EPHA6: variants seen among roughly 807,000 people sequenced by gnomAD.
The protein encoded by EPHA6 is ephrin type-A receptor 6.
EPHA6 carries 50 observed loss-of-function variants against 112.0 expected under a neutral mutation model. That is an observed-to-expected ratio of 0.45 (90% CI 0.36 to 0.56). The LOEUF (loss-of-function observed/expected upper bound fraction) is 0.56. EPHA6 is among the 20% of genes least tolerant of loss of function. EPHA6 has a pLI of 0.00. For missense variants in EPHA6, 1,280 were observed against 1,417.4 expected, an observed-to-expected ratio of 0.90 and a Z score of 1.56; for synonymous variants, 529 against 490.7, an observed-to-expected ratio of 1.08 and a Z score of -1.03.
chr3:97,186,373 A>G (rs2077136557), intron 3 of EPHA6, among the ~76,000 whole-genome samples: 1 of 151,986 alleles, frequency 6.6e-6, no homozygotes, highest in Non-Finnish European at 1.5e-5. Context: ...ACTCTCAAAA[A>G]CATAGTAGTT....
At chr3:96,899,661 A>T (rs964595798) in intron 2 of EPHA6, among the ~76,000 whole-genome samples, 1 of 152,200 alleles carries the variant, frequency 6.6e-6, no homozygotes, top group Non-Finnish European at 1.5e-5. Context: ...TAGCACTAGT[A>T]AAAAATATGT....
chr3:97,183,133 A>T (rs887245588), intron 3 of EPHA6, among the ~76,000 whole-genome samples: 2 of 152,092 alleles, frequency 1.3e-5, no homozygotes, highest in African/African-American at 4.8e-5. Flanking sequence ...ATTGTAATTC[A>T]TAAGGGCTTT....
intron 11 of EPHA6, among the ~76,000 whole-genome samples, chr3:97,588,209 C>G (rs1466665428): frequency 6.7e-6 from 1 of 150,204 alleles, no homozygotes; most frequent in Admixed American, 6.6e-5. Flanking sequence ...GTTGGTATAC[C>G]CCCCTGCCCA....
At chr3:97,078,752 A>G (rs1443360993) in intron 3 of EPHA6, among the ~76,000 whole-genome samples, 1 of 152,146 alleles carries the variant, frequency 6.6e-6, no homozygotes, top group Non-Finnish European at 1.5e-5. Flanking sequence ...CCATTGGTCT[A>G]TATCTCAAAC....
chr3:97,648,298 A>G, intron 14 of EPHA6: 1 of 1,258,836 alleles, frequency 7.9e-7, no homozygotes, highest in Non-Finnish European at 1.2e-6. Flanking sequence ...CCTCTTCCAA[A>G]CTCTAACACT....
chr3:97,327,168 A>G (rs1450295231), intron 5 of EPHA6, among the ~76,000 whole-genome samples: 1 of 152,120 alleles, frequency 6.6e-6, no homozygotes, highest in Non-Finnish European at 1.5e-5. Context: ...GATAAACAGT[A>G]AATTACATTA....
At chr3:96,815,053 G>T in intron 1 of EPHA6, 45 bp downstream of exon 1, 1 of 1,460,672 alleles carries the variant, frequency 6.8e-7, no homozygotes, top group Non-Finnish European at 9.1e-7. Context: ...GAGGAGGAGG[G>T]TGCTTGGAGA....
intron 7 of EPHA6, chr3:97,466,575 T>A: frequency 1.4e-6 from 1 of 711,604 alleles, no homozygotes; most frequent in South Asian, 1.6e-5. Context: ...CAGTTCTGTT[T>A]TCTTCTCTGA....
Position 97,448,662 on chromosome 3 carries a change from T to C in EPHA6, c.1826T>C (p.Ile609Thr). The change falls in exon 7 of 18, where the codon ATC becomes ACC. Residue 609 changes from isoleucine to threonine, a missense_variant. Physicochemically the swap from Ile to Thr is moderately conservative, Grantham distance 89. Coordinates refer to ENST00000389672, the MANE Select transcript of EPHA6 (RefSeq NM_001080448.3). ...LKPATKYVFH[I>T]RVRTATGYSG... ...CCAGCCACCAAATATGTATTTCACA[T>C]CCGAGTGAGAACTGCGACAGGATAC... 1 of 1,613,544 alleles carries C rather than the reference T, an allele frequency of 6.2e-7. No homozygotes were observed. Among genetic ancestry groups the C allele is most frequent in the Non-Finnish European group, 8.5e-7 (1 of 1,179,608 alleles).
chr3:97,448,200 A>C (rs1239369962), intron 6 of EPHA6, among the ~76,000 whole-genome samples: 2 of 152,080 alleles, frequency 1.3e-5, no homozygotes, highest in Non-Finnish European at 2.9e-5. Flanking sequence ...GAATTCTCCC[A>C]CCTTTGCTCC....
intron 1 of EPHA6, among the ~76,000 whole-genome samples, chr3:96,829,516 C>T (rs887376344): frequency 2.6e-5 from 4 of 151,790 alleles, no homozygotes; most frequent in Non-Finnish European, 1.5e-5. Context: ...GGAATATGTG[C>T]CCTTCATAAG....
chr3:97,410,399 G>C (rs2087637265), intron 6 of EPHA6, among the ~76,000 whole-genome samples: 2 of 151,806 alleles, frequency 1.3e-5, no homozygotes, highest in African/African-American at 4.8e-5. Context: ...TTCTTTTGTT[G>C]TATTTCCTTT....
chr3:96,850,420 G>T (rs1235844749), intron 1 of EPHA6, among the ~76,000 whole-genome samples: 1 of 152,080 alleles, frequency 6.6e-6, no homozygotes, highest in African/African-American at 2.4e-5. Context: ...CTTTAGAAAG[G>T]GTACTGTCTC....
At chr3:96,926,566 T>A (rs1219317193) in intron 2 of EPHA6, among the ~76,000 whole-genome samples, 18 of 152,214 alleles carry the variant, frequency 1.2e-4, no homozygotes, top group Admixed American at 1.2e-3. Context: ...TAACAGTTAC[T>A]TTCAAGATAC....
chr3:97,257,773 C>T (rs536689622), intron 5 of EPHA6, among the ~76,000 whole-genome samples: 15 of 151,976 alleles, frequency 9.9e-5, no homozygotes, highest in East Asian at 7.7e-4. Flanking sequence ...AAATGACCAA[C>T]AGTAAACAAT....
At chr3:97,277,505 A>AG (rs1157948908) in intron 5 of EPHA6, among the ~76,000 whole-genome samples, 3 of 152,160 alleles carry the variant, frequency 2.0e-5, no homozygotes, top group South Asian at 2.1e-4. Flanking sequence ...GTGTACGTGC[A>AG]GTCACAGGGG....
chr3:96,977,211 T>C (rs1206943380), intron 2 of EPHA6, among the ~76,000 whole-genome samples: 1 of 152,086 alleles, frequency 6.6e-6, no homozygotes, highest in African/African-American at 2.4e-5. Context: ...TTAAGTTTGG[T>C]CTAATTTAAA....
chr3:97,559,811 T>A (rs1289215635), intron 11 of EPHA6: 2 of 316,584 alleles, frequency 6.3e-6, no homozygotes, highest in Non-Finnish European at 1.2e-5. Context: ...AGCTATCTCA[T>A]TAAGGGATGC....
intron 15 of EPHA6, among the ~76,000 whole-genome samples, chr3:97,727,056 G>A (rs2034804094): frequency 6.6e-6 from 1 of 152,032 alleles, no homozygotes; most frequent in African/African-American, 2.4e-5. Context: ...AAGCCCAAAT[G>A]CCTCCTGGGT....
Sources: allele counts gnomAD v4.1 joint callset (sites outside exome capture counted in the v4.1 genomes callset), GRCh38; gene constraint gnomAD v4.1.1; transcripts MANE v1.5; gene names NCBI Gene and HGNC (gene_info 2026-07-23, HGNC 2026-07-21).